CAST: variants seen among roughly 807,000 people sequenced by gnomAD.
CAST encodes calpastatin, also known as MIR583 host.
In CAST, 76 loss-of-function variants were observed where a neutral mutation model predicts 119.6. That is an observed-to-expected ratio of 0.64 (90% CI 0.53 to 0.77). The LOEUF (loss-of-function observed/expected upper bound fraction) is 0.77, where lower values mean the gene tolerates loss of function less well. CAST is among the 30% of genes least tolerant of loss of function. The pLI is 0.00. For missense variants in CAST, 953 were observed against 946.5 expected, an observed-to-expected ratio of 1.01 and a Z score of -0.09; for synonymous variants, 319 against 331.6, an observed-to-expected ratio of 0.96 and a Z score of 0.41.
chr5:96,076,470 G>C, the CAST span, among the ~76,000 whole-genome samples: 2 of 152,162 alleles, frequency 1.3e-5, no homozygotes, highest in Admixed American at 1.3e-4. Context: ...AGGGGCTCGG[G>C]TTCTGGGCCT....
chr5:96,049,889 CAAAAAAAAAAAAAAAA>C, the CAST span, among the ~76,000 whole-genome samples: 34 of 34,196 alleles, frequency 9.9e-4, no homozygotes, highest in South Asian at 0.065. Context: ...GAACAGGAGG[CAAAAAAAAAAAAAAAA>C]AAAAAAAAAA....
At chr5:96,392,780 G>A in the CAST span, 4 of 594,824 alleles carry the variant, frequency 6.7e-6, no homozygotes, top group Admixed American at 5.9e-5. Flanking sequence ...TGTGCAGACA[G>A]GAAAGATGTG....
chr5:95,997,963 G>GTTTTTTTT, the CAST span, among the ~76,000 whole-genome samples: 7 of 93,652 alleles, frequency 7.5e-5, no homozygotes, highest in Admixed American at 1.3e-4. Flanking sequence ...TTGAGAGAGG[G>GTTTTTTTT]TTTTTTTTTT....
chr5:96,503,355 AGCACAAAT>A, the CAST span, among the ~76,000 whole-genome samples: 2 of 152,206 alleles, frequency 1.3e-5, no homozygotes, highest in Admixed American at 6.5e-5. Context: ...GGGGGTGGCC[AGCACAAAT>A]CCTCTTTGGC....
chr5:96,121,116 T>C, the CAST span, among the ~76,000 whole-genome samples: 2 of 152,132 alleles, frequency 1.3e-5, no homozygotes, highest in Non-Finnish European at 2.9e-5. Context: ...GACTTTCTTA[T>C]TGATTTTTAA....
At chr5:96,296,388 C>T in the CAST span, among the ~76,000 whole-genome samples, 3 of 152,146 alleles carry the variant, frequency 2.0e-5, no homozygotes, top group East Asian at 5.8e-4. Flanking sequence ...CCTTTTCTGG[C>T]TAAACCTATC....
At chr5:96,074,167 TA>T in the CAST span, among the ~76,000 whole-genome samples, 9 of 149,584 alleles carry the variant, frequency 6.0e-5, no homozygotes, top group African/African-American at 2.2e-4. Context: ...TGAACTACCC[TA>T]TTGCTTCTCT....
At chr5:96,399,831 A>AG in the CAST span, 57 of 757,844 alleles carry the variant, frequency 7.5e-5, no homozygotes, top group Admixed American at 1.2e-4. Flanking sequence ...AGAGAACACT[A>AG]GAAAATTCCA....
At chr5:96,201,474 A>C in the CAST span, among the ~76,000 whole-genome samples, 1 of 152,160 alleles carries the variant, frequency 6.6e-6, no homozygotes, top group Admixed American at 6.6e-5. Flanking sequence ...ACACAGAAAC[A>C]GCAATGACCA....
intron 1 of CAST, among the ~76,000 whole-genome samples, chr5:96,636,631 TAAAAAG>T (rs1193675036): frequency 1.3e-5 from 2 of 152,152 alleles, no homozygotes; most frequent in Admixed American, 6.5e-5. Context: ...TTGGGAATAA[TAAAAAG>T]AAAACAAAAA....
the CAST span, among the ~76,000 whole-genome samples, chr5:96,489,937 C>A: frequency 6.6e-6 from 1 of 152,178 alleles, no homozygotes; most frequent in Non-Finnish European, 1.5e-5. Flanking sequence ...GGACTTCATC[C>A]TCTAGAAGTC....
chr5:95,966,298 T>C, the CAST span, among the ~76,000 whole-genome samples: 131 of 152,294 alleles, frequency 8.6e-4, no homozygotes, highest in African/African-American at 2.9e-3. Context: ...TGATGGACCA[T>C]GTCCATATGA....
the CAST span, among the ~76,000 whole-genome samples, chr5:96,059,538 G>C: frequency 6.6e-6 from 1 of 152,130 alleles, no homozygotes; most frequent in African/African-American, 2.4e-5. Flanking sequence ...AGGGTTGTTA[G>C]ATACAGGGTC....
chr5:96,763,837 TAGA>T (rs1272630381), intron 25 of CAST, among the ~76,000 whole-genome samples: 5 of 152,000 alleles, frequency 3.3e-5, no homozygotes, highest in African/African-American at 1.2e-4. Context: ...TCAAAGAAAA[TAGA>T]AGATCATGGA....
chr5:96,266,901 A>G, the CAST span, among the ~76,000 whole-genome samples: 1 of 152,228 alleles, frequency 6.6e-6, no homozygotes, highest in Non-Finnish European at 1.5e-5. Flanking sequence ...AGTTTTAAGG[A>G]AACTCAATGA....
the CAST span, among the ~76,000 whole-genome samples, chr5:95,987,346 G>A: frequency 1.3e-5 from 2 of 151,876 alleles, no homozygotes; most frequent in Non-Finnish European, 2.9e-5. Context: ...AGAAGAGGTA[G>A]AACCTCATCA....
the CAST span, among the ~76,000 whole-genome samples, chr5:95,997,014 A>T: frequency 6.6e-6 from 1 of 152,190 alleles, no homozygotes; most frequent in African/African-American, 2.4e-5. Flanking sequence ...GATATTTTAC[A>T]TATTCATGTT....
the CAST span, among the ~76,000 whole-genome samples, chr5:96,309,314 G>T: frequency 6.6e-6 from 1 of 152,254 alleles, no homozygotes; most frequent in African/African-American, 2.4e-5. Flanking sequence ...CACCAAGCTT[G>T]AGTGGCCCAG....
chr5:96,166,684 C>A, the CAST span, among the ~76,000 whole-genome samples: 478 of 152,170 alleles, frequency 3.1e-3, 1 homozygote, highest in Non-Finnish European at 3.8e-3. Flanking sequence ...TCAATTGAAG[C>A]ATAGCCTTGG....
Sources: gnomAD v4.1 joint callset for allele counts (sites outside exome capture counted in the v4.1 genomes callset) on GRCh38, gnomAD v4.1.1 for gene constraint, MANE v1.5 for transcripts, NCBI Gene and HGNC (gene_info 2026-07-23, HGNC 2026-07-21) for gene names.